The following SDK1 variants were observed in gnomAD, a reference collection of about 807,000 sequenced individuals.
SDK1 encodes protein sidekick-1.
A neutral mutation model predicts 245.5 loss-of-function variants in SDK1; 157 were observed. The observed-to-expected ratio is 0.64, with a 90% CI of 0.56 to 0.73. The LOEUF is 0.73. SDK1 is among the 30% of genes least tolerant of loss of function. SDK1 has a pLI of 0.00. For missense variants in SDK1, 3,583 were observed against 3,002.3 expected, an observed-to-expected ratio of 1.19 and a Z score of -4.52; for synonymous variants, 1,647 against 1,278.5, an observed-to-expected ratio of 1.29 and a Z score of -6.15.
intron 1 of SDK1, among the ~76,000 whole-genome samples, chr7:3,542,442 G>A (rs2128620835): frequency 6.6e-6 from 1 of 152,272 alleles, no homozygotes. Context: ...AGGCTCCTGG[G>A]CTGGGCCTTT....
intron 35 of SDK1, among the ~76,000 whole-genome samples, chr7:4,202,975 A>G (rs980216993): frequency 2.6e-5 from 4 of 152,170 alleles, no homozygotes; most frequent in Admixed American, 6.5e-5. Flanking sequence ...CAGGGCAGCC[A>G]CTGTGTCCCA....
intron 1 of SDK1, among the ~76,000 whole-genome samples, chr7:3,432,744 C>T (rs1289235568): frequency 1.3e-5 from 2 of 152,050 alleles, no homozygotes; most frequent in Admixed American, 6.6e-5. Context: ...AGATGGATAC[C>T]CACATTTAAG....
intron 1 of SDK1, among the ~76,000 whole-genome samples, chr7:3,588,053 C>A (rs376233674): frequency 3.3e-5 from 5 of 152,184 alleles, no homozygotes; most frequent in Admixed American, 1.3e-4. Context: ...TAGGGATGTT[C>A]AGCATTTCAA....
chr7:3,934,734 C>G (rs149079001), intron 5 of SDK1, among the ~76,000 whole-genome samples: 1 of 152,176 alleles, frequency 6.6e-6, no homozygotes. Flanking sequence ...GAGATGGGCT[C>G]TTGTCCTACT....
intron 17 of SDK1, among the ~76,000 whole-genome samples, chr7:4,028,608 C>A (rs1419310411): frequency 1.3e-5 from 2 of 152,206 alleles, no homozygotes; most frequent in African/African-American, 4.8e-5. Flanking sequence ...AGTGAAAACA[C>A]ACGTTTGGAG....
chr7:3,485,047 G>A (rs1036638260), intron 1 of SDK1, among the ~76,000 whole-genome samples: 2 of 152,098 alleles, frequency 1.3e-5, no homozygotes, highest in Admixed American at 1.3e-4. Context: ...TCATATGGCA[G>A]TTCTATTTTC....
At chr7:3,619,599 T>C (rs1007647363) in intron 2 of SDK1, among the ~76,000 whole-genome samples, 2 of 152,342 alleles carry the variant, frequency 1.3e-5, no homozygotes, top group South Asian at 4.1e-4. Flanking sequence ...CACAAATGTT[T>C]AAACAGATCT....
rs181202068 is a variant in SDK1, at chr7:3,527,459, G to C, written c.299-91621G>C. Among the ~76,000 whole-genome samples the C allele has an allele frequency of 1.1e-3, 174 of 152,334 alleles. 2 individuals are homozygous for C. Among genetic ancestry groups the C allele is most frequent in the African/African-American group, 4.0e-3 (166 of 41,572 alleles). On this transcript the variant is annotated intron_variant, in intron 1 of 44. Transcript: ENST00000404826. Reference sequence around the variant, plus strand: ...ATATGATGCCATGAAGGGCAGTTTAGGGAAGGGAGCAGCAAGTCAAGAGGC... The same window carrying C: ...ATATGATGCCATGAAGGGCAGTTTACGGAAGGGAGCAGCAAGTCAAGAGGC...
At chr7:4,235,808 A>G (rs1421677348) in intron 41 of SDK1, among the ~76,000 whole-genome samples, 1 of 152,220 alleles carries the variant, frequency 6.6e-6, no homozygotes, top group Non-Finnish European at 1.5e-5. Context: ...CCTTCAGGGA[A>G]GCCAGCAACC....
intron 22 of SDK1, among the ~76,000 whole-genome samples, chr7:4,105,095 G>C (rs1782815012): frequency 6.6e-6 from 1 of 152,022 alleles, no homozygotes. Flanking sequence ...CAATTCTCCT[G>C]CCTCAGCCTC....
intron 17 of SDK1, among the ~76,000 whole-genome samples, chr7:4,032,887 G>C (rs1787932698): frequency 6.6e-6 from 1 of 152,196 alleles, no homozygotes; most frequent in Admixed American, 6.5e-5. Flanking sequence ...GGAAGTTAGT[G>C]CTCCTTGTGT....
At chr7:4,164,345 A>G (rs548133083) in intron 32 of SDK1, among the ~76,000 whole-genome samples, 1 of 152,242 alleles carries the variant, frequency 6.6e-6, no homozygotes, top group Non-Finnish European at 1.5e-5. Context: ...TAAGAACAGA[A>G]GGTCACAAAG....
chr7:3,674,616 T>G (rs1034994328), intron 4 of SDK1, among the ~76,000 whole-genome samples: 1 of 152,112 alleles, frequency 6.6e-6, no homozygotes, highest in Middle Eastern at 3.2e-3. Context: ...GAATTGAGAT[T>G]CTAAGACTTT....
chr7:3,931,864 A>G (rs1161293022), intron 5 of SDK1, among the ~76,000 whole-genome samples: 1 of 152,246 alleles, frequency 6.6e-6, no homozygotes, highest in African/African-American at 2.4e-5. Flanking sequence ...GAGGTTTGGT[A>G]GAAGTGCCTA....
At chr7:4,223,908 TCA>T (rs1785271944) in intron 40 of SDK1, among the ~76,000 whole-genome samples, 1 of 152,196 alleles carries the variant, frequency 6.6e-6, no homozygotes, top group Non-Finnish European at 1.5e-5. Flanking sequence ...TACGTTGAAA[TCA>T]CAGTCATTTG....
intron 1 of SDK1, among the ~76,000 whole-genome samples, chr7:3,490,316 T>A (rs1191945323): frequency 6.6e-6 from 1 of 152,216 alleles, no homozygotes; most frequent in Non-Finnish European, 1.5e-5. Context: ...GAGAAATGAA[T>A]TCCCTGGATT....
intron 4 of SDK1, among the ~76,000 whole-genome samples, chr7:3,773,039 A>C (rs982130229): frequency 2.0e-5 from 3 of 152,170 alleles, no homozygotes; most frequent in African/African-American, 7.2e-5. Context: ...AGTTCTTCCT[A>C]CTTAGAGATT....
intron 5 of SDK1, among the ~76,000 whole-genome samples, chr7:3,947,706 A>G (rs1780636339): frequency 6.6e-6 from 1 of 151,600 alleles, no homozygotes; most frequent in South Asian, 2.1e-4. Flanking sequence ...ATATTTATAT[A>G]TATTTAAATT....
intron 14 of SDK1, among the ~76,000 whole-genome samples, chr7:3,989,607 C>G (rs376331732): frequency 3.9e-5 from 6 of 152,122 alleles, no homozygotes; most frequent in African/African-American, 1.2e-4. Flanking sequence ...TTTCAGGACA[C>G]CTAGGAGTGG....
Sources: gnomAD v4.1 joint callset for allele counts (sites outside exome capture counted in the v4.1 genomes callset) on GRCh38, gnomAD v4.1.1 for gene constraint, MANE v1.5 for transcripts, NCBI Gene and HGNC (gene_info 2026-07-23, HGNC 2026-07-21) for gene names.